ETV6: variants seen among roughly 807,000 people sequenced by gnomAD.
ETV6 encodes ETS variant transcription factor 6, also known as transcription factor ETV6.
Under a neutral mutation model 51.1 loss-of-function variants are expected in ETV6, and 16 were observed. That is an observed-to-expected ratio of 0.31 (90% CI 0.21 to 0.48). The LOEUF (loss-of-function observed/expected upper bound fraction) is 0.48. ETV6 is among the 20% of genes least tolerant of loss of function. The pLI is 0.99. For synonymous variants in ETV6, 240 were observed against 224.1 expected (o/e 1.07, Z -0.64); for missense variants, 458 against 594.8 (o/e 0.77, Z 2.39).
chr12:11,751,828 T>C (rs187303519), intron 1 of ETV6: 71 of 509,318 alleles, frequency 1.4e-4, no homozygotes, highest in African/African-American at 7.7e-4. Context: ...TTGTTGCAGA[T>C]AATTCCTAGC....
chr12:11,866,000 C>CAATT (rs556092325), intron 4 of ETV6, among the ~76,000 whole-genome samples: 280 of 152,088 alleles, frequency 1.8e-3, no homozygotes, highest in Non-Finnish European at 2.6e-3. Flanking sequence ...TCTTGGACAC[C>CAATT]AATTACATGT....
intron 1 of ETV6, among the ~76,000 whole-genome samples, chr12:11,690,023 G>C (rs1864722467): frequency 6.6e-6 from 1 of 152,030 alleles, no homozygotes; most frequent in Non-Finnish European, 1.5e-5. Flanking sequence ...AAAAGGGTCA[G>C]AATATTCAGA....
intron 2 of ETV6, among the ~76,000 whole-genome samples, chr12:11,786,603 G>T (rs139967564): frequency 6.6e-6 from 1 of 152,292 alleles, no homozygotes; most frequent in Non-Finnish European, 1.5e-5. Flanking sequence ...AGAGGACTGC[G>T]TCAAGAGGCA....
At chr12:11,862,514 G>A (rs1328123525) in intron 4 of ETV6, among the ~76,000 whole-genome samples, 1 of 152,200 alleles carries the variant, frequency 6.6e-6, no homozygotes, top group Non-Finnish European at 1.5e-5. Flanking sequence ...TTCCTTCTGA[G>A]AGAGCTGTGA....
chr12:11,714,649 G>GAGAAAAAAAAAAAAAAAAAAAAAA (rs1555117923), intron 1 of ETV6, among the ~76,000 whole-genome samples: 1 of 87,090 alleles, frequency 1.1e-5, no homozygotes. Flanking sequence ...ACCTTGAGGT[G>GAGAAAAAAAAAAAAAAAAAAAAAA]AAAAAAAAAA....
intron 1 of ETV6, among the ~76,000 whole-genome samples, chr12:11,667,089 C>T (rs1864208704): frequency 6.6e-6 from 1 of 152,208 alleles, no homozygotes; most frequent in Non-Finnish European, 1.5e-5. Context: ...TAGGGGCAGC[C>T]ACGGAAGTTG....
intron 4 of ETV6, among the ~76,000 whole-genome samples, chr12:11,856,343 G>A (rs1312430360): frequency 6.6e-6 from 1 of 152,210 alleles, no homozygotes; most frequent in Non-Finnish European, 1.5e-5. Context: ...TCATTGCCCT[G>A]CAGACCAGTT....
At chr12:11,816,970 G>A (rs1946003095) in intron 2 of ETV6, among the ~76,000 whole-genome samples, 2 of 152,212 alleles carry the variant, frequency 1.3e-5, no homozygotes, top group African/African-American at 2.4e-5. Flanking sequence ...CATTACCATA[G>A]TGGGCTGGAT....
chr12:11,891,052 C>CCAA lies in ETV6; in HGVS notation c.*9_*11dup, dbSNP rs1947279383. 2 of 1,606,246 alleles carry CCAA rather than the reference C, an allele frequency of 1.2e-6. No individual in the cohort carries two copies. Among genetic ancestry groups the CCAA allele is most frequent in the Middle Eastern group, 3.3e-4 (2 of 6,036 alleles). ...ACCAAGAAGATGAATGCTGAAGGAACCAACAGTCCACCTCAGCGGGCCAGC... is the reference window on the plus strand; with the variant it reads ...ACCAAGAAGATGAATGCTGAAGGAACCAACAACAGTCCACCTCAGCGGGCCAGC... On this transcript the variant is annotated 3_prime_UTR_variant, in exon 8 of 8. Transcript: ENST00000396373.
At chr12:11,837,818 A>C (rs1158531903) in intron 2 of ETV6, among the ~76,000 whole-genome samples, 2 of 152,216 alleles carry the variant, frequency 1.3e-5, no homozygotes, top group East Asian at 3.8e-4. Context: ...CTTCTGACCC[A>C]GCAGTTCTTA....
intron 2 of ETV6, among the ~76,000 whole-genome samples, chr12:11,821,238 C>T (rs1398702277): frequency 6.6e-6 from 1 of 151,898 alleles, no homozygotes; most frequent in African/African-American, 2.4e-5. Flanking sequence ...TGGTGGTGGG[C>T]ACCTGTAGTC....
intron 2 of ETV6, among the ~76,000 whole-genome samples, chr12:11,824,015 T>C (rs1392908403): frequency 6.6e-6 from 1 of 152,212 alleles, no homozygotes; most frequent in African/African-American, 2.4e-5. Context: ...TTTCACTTAC[T>C]GCCACAAAAC....
At chr12:11,734,285 A>T (rs1161404896) in intron 1 of ETV6, among the ~76,000 whole-genome samples, 3 of 152,182 alleles carry the variant, frequency 2.0e-5, no homozygotes. Flanking sequence ...AGCCTAGCAC[A>T]GGTGGCGCTG....
intron 7 of ETV6, among the ~76,000 whole-genome samples, chr12:11,887,327 C>T (rs933761697): frequency 1.2e-4 from 18 of 152,156 alleles, no homozygotes; most frequent in Admixed American, 9.2e-4. Flanking sequence ...CTATATCCAG[C>T]TCTAAAATCT....
In ETV6 at chr12:11,890,984, C is replaced by A; in HGVS notation, c.1297C>A (p.Arg433Ser). 6.2e-7 allele frequency: 1 copy of A among 1,613,806 alleles called. No homozygotes were observed. The highest frequency in any genetic ancestry group is 8.5e-7 in the Non-Finnish European group (1 of 1,179,830). The change falls in exon 8 of 8, where the codon CGT (arginine) becomes AGT (serine). Residue 433 changes from arginine (R) to serine (S), a missense_variant. Arg to Ser is a moderately radical substitution (Grantham distance 110). Around this residue, in one of 4 missense-constraint regions of ETV6, gnomAD observed 55 missense variants for 151.2 expected, o/e 0.36. Transcript: ENST00000396373. ...PDEIMSGRTD[R>S]LEHLESQELD... The stretch of plus-strand genomic sequence containing the variant: ...TGAAATCATGAGTGGCCGAACAGAC[C>A]GTCTGGAGCACCTAGAGTCCCAGGA...
At chr12:11,885,218 G>C (rs1450536024) in intron 6 of ETV6, among the ~76,000 whole-genome samples, 6 of 152,194 alleles carry the variant, frequency 3.9e-5, no homozygotes, top group African/African-American at 1.4e-4. Flanking sequence ...GCCTGATGTT[G>C]GCATGGTGGC....
intron 2 of ETV6, among the ~76,000 whole-genome samples, chr12:11,811,103 CCT>C (rs936091010): frequency 7.9e-5 from 12 of 152,256 alleles, no homozygotes; most frequent in Non-Finnish European, 1.8e-4. Flanking sequence ...GTTTTTCCCC[CCT>C]GTGTTTTTTG....
chr12:11,753,658 GGT>G (rs1299945401), intron 2 of ETV6, among the ~76,000 whole-genome samples: 1 of 152,216 alleles, frequency 6.6e-6, no homozygotes, highest in Non-Finnish European at 1.5e-5. Context: ...AGAGGATGCA[GGT>G]TCTTCCTTTC....
At chr12:11,736,833 A>G (rs550783426) in intron 1 of ETV6, among the ~76,000 whole-genome samples, 1 of 152,330 alleles carries the variant, frequency 6.6e-6, no homozygotes, top group South Asian at 2.1e-4. Context: ...CCTAGGTGGA[A>G]ACACAGGACA....
Sources: gnomAD v4.1 joint callset for allele counts (sites outside exome capture counted in the v4.1 genomes callset) on GRCh38, gnomAD v4.1.1 for gene constraint, gnomAD v4.1.1 regional missense constraint, MANE v1.5 for transcripts, NCBI Gene and HGNC (gene_info 2026-07-23, HGNC 2026-07-21) for gene names.